RTF2: variants seen among roughly 807,000 people sequenced by gnomAD.
RTF2 encodes UPF0549 protein C20orf43.
Under a neutral mutation model 38.0 loss-of-function variants are expected in RTF2, and 18 were observed. The observed-to-expected ratio is 0.47, with a 90% CI of 0.33 to 0.70. The LOEUF is 0.70. RTF2 is among the 30% of genes least tolerant of loss of function. The probability of loss-of-function intolerance (pLI) is 0.02; values close to 1 mark genes in which losing one functional copy is unlikely to be tolerated. For missense variants in RTF2, 311 were observed against 379.6 expected, an observed-to-expected ratio of 0.82 and a Z score of 1.50; for synonymous variants, 126 against 137.1, an observed-to-expected ratio of 0.92 and a Z score of 0.57.
chr20:56,496,622 C>T (rs755356039), intron 5 of RTF2: 60 of 1,472,616 alleles, frequency 4.1e-5, no homozygotes, highest in East Asian at 1.7e-4. Flanking sequence ...GCATCCATAT[C>T]GGTGGGTCTT....
At chr20:56,483,851 T>A (rs766403781) in intron 4 of RTF2, among the ~76,000 whole-genome samples, 1 of 152,238 alleles carries the variant, frequency 6.6e-6, no homozygotes, top group Non-Finnish European at 1.5e-5. Context: ...TTATATTTAT[T>A]GAAAATATTT....
chr20:56,511,829 G>C (rs1984687907), intron 5 of RTF2, among the ~76,000 whole-genome samples: 1 of 151,962 alleles, frequency 6.6e-6, no homozygotes. Context: ...CTGCACTTGG[G>C]TTAGACCCCT....
intron 5 of RTF2, among the ~76,000 whole-genome samples, chr20:56,510,019 T>A (rs1984542653): frequency 6.6e-6 from 1 of 152,182 alleles, no homozygotes; most frequent in East Asian, 1.9e-4. Context: ...TTGTATGATT[T>A]CATTTATAGA....
At chr20:56,504,718 G>T (rs1216180252) in intron 5 of RTF2, among the ~76,000 whole-genome samples, 1 of 152,158 alleles carries the variant, frequency 6.6e-6, no homozygotes, top group African/African-American at 2.4e-5. Flanking sequence ...TTCTCTGCTT[G>T]CTGGTACTCT....
At chr20:56,506,309 C>T (rs1030097885) in intron 5 of RTF2, among the ~76,000 whole-genome samples, 1 of 152,148 alleles carries the variant, frequency 6.6e-6, no homozygotes, top group African/African-American at 2.4e-5. Flanking sequence ...CTCATTTACT[C>T]TAAGCCATGG....
At chr20:56,497,795 A>G (rs1372126488) in intron 5 of RTF2, 1 of 329,862 alleles carries the variant, frequency 3.0e-6, no homozygotes, top group African/African-American at 2.2e-5. Context: ...CATTTCCCTC[A>G]CTCTTCAAAG....
Position 56,486,716 on chromosome 20 carries a change from T to G in RTF2, c.477+2527T>G, listed in dbSNP as rs183928153. On this transcript the variant is annotated intron_variant, in intron 5 of 8. Coordinates refer to ENST00000357348, the MANE Select transcript of RTF2 (RefSeq NM_016407.5). ...AATTAAGCAGAAACAATGGGTAGAT[T>G]TAAATAAAAATATTAAGATATTGAC... is the stretch of plus-strand genomic sequence containing the variant. Among the ~76,000 whole-genome samples the G allele has an allele frequency of 4.7e-4, 71 of 152,220 alleles. 1 individual carries two copies. Among genetic ancestry groups the G allele is most frequent in the Admixed American group, 3.4e-3 (52 of 15,282 alleles).
chr20:56,478,254 C>T lies in RTF2; in HGVS notation c.398+1130C>T, dbSNP rs909791340. Among the ~76,000 whole-genome samples the T allele has an allele frequency of 7.9e-5, 12 of 152,246 alleles. No homozygotes were observed. The South Asian group carries it at 8.3e-4, about 11-fold the overall frequency. On this transcript the variant is annotated intron_variant, in intron 4 of 8. Coordinates refer to ENST00000357348, the MANE Select transcript of RTF2 (RefSeq NM_016407.5). The stretch of plus-strand genomic sequence containing the variant: ...CTATAATCCCAGCACTTTGGGAGGC[C>T]GAGACAGGAGGATTGCTAGAGGCTA...
rs553591225 is a variant in RTF2 at position 56,479,749 on chromosome 20, T to C, written c.398+2625T>C. ...AGCCATGAAAACAACTTTAATCTTGTACATCTCCATCAGAGCTCTTGCGTG... is the reference window on the plus strand; with the variant it reads ...AGCCATGAAAACAACTTTAATCTTGCACATCTCCATCAGAGCTCTTGCGTG... On this transcript the variant is annotated intron_variant, in intron 4 of 8. Coordinates refer to ENST00000357348, the MANE Select transcript of RTF2 (RefSeq NM_016407.5). Among the ~76,000 whole-genome samples the C allele has an allele frequency of 2.0e-4, 31 of 152,200 alleles. No homozygotes were observed. The South Asian group carries it at 2.3e-3, about 11-fold the overall frequency.
intron 5 of RTF2, among the ~76,000 whole-genome samples, chr20:56,499,287 C>G (rs1983765310): frequency 6.6e-6 from 1 of 150,846 alleles, no homozygotes; most frequent in African/African-American, 2.4e-5. Flanking sequence ...ATCTCCGCCT[C>G]CCGGGTTCAA....
chr20:56,493,484 C>T (rs1983302865), intron 5 of RTF2, among the ~76,000 whole-genome samples: 1 of 151,630 alleles, frequency 6.6e-6, no homozygotes, highest in Non-Finnish European at 1.5e-5. Flanking sequence ...ATAGTGAGAC[C>T]CCATATCTAC....
chr20:56,504,828 T>C (rs954357178), intron 5 of RTF2, among the ~76,000 whole-genome samples: 3 of 152,250 alleles, frequency 2.0e-5, no homozygotes, highest in Admixed American at 1.3e-4. Flanking sequence ...CCTTGACGCC[T>C]AAGCGGGATG....
chr20:56,507,218 G>A (rs1984336982), intron 5 of RTF2, among the ~76,000 whole-genome samples: 1 of 152,170 alleles, frequency 6.6e-6, no homozygotes, highest in Non-Finnish European at 1.5e-5. Context: ...TGGACCAGCT[G>A]TGACTTTGCG....
At chr20:56,494,894 T>C (rs1354223405) in intron 5 of RTF2, among the ~76,000 whole-genome samples, 1 of 152,234 alleles carries the variant, frequency 6.6e-6, no homozygotes, top group Non-Finnish European at 1.5e-5. Context: ...CTCTGTGCAG[T>C]AGTTCCTGCC....
At chr20:56,479,365 A>G (rs1404007722) in intron 4 of RTF2, among the ~76,000 whole-genome samples, 1 of 152,112 alleles carries the variant, frequency 6.6e-6, no homozygotes, top group Non-Finnish European at 1.5e-5. Flanking sequence ...AGCTGGGATT[A>G]CAGGTGCCCG....
intron 5 of RTF2, among the ~76,000 whole-genome samples, chr20:56,502,405 A>G (rs969482006): frequency 1.3e-5 from 2 of 152,146 alleles, no homozygotes; most frequent in African/African-American, 2.4e-5. Flanking sequence ...CCGACTCCCA[A>G]CAAGCCTTCA....
intron 4 of RTF2, among the ~76,000 whole-genome samples, chr20:56,482,839 G>A (rs1982590537): frequency 6.6e-6 from 1 of 152,108 alleles, no homozygotes; most frequent in Non-Finnish European, 1.5e-5. Flanking sequence ...CGCGGTGGAG[G>A]CATTATTCGT....
intron 1 of RTF2, chr20:56,470,749 G>A (rs973032802): frequency 1.4e-5 from 6 of 443,784 alleles, no homozygotes; most frequent in Non-Finnish European, 2.3e-5. Flanking sequence ...TCATGCCTAC[G>A]TGGTGGGGTC....
intron 4 of RTF2, among the ~76,000 whole-genome samples, chr20:56,483,445 C>T (rs920273778): frequency 6.6e-5 from 10 of 152,034 alleles, no homozygotes; most frequent in African/African-American, 2.4e-4. Context: ...ACCTCAGCCT[C>T]CCTAGTAGCT....
Sources: allele counts gnomAD v4.1 joint callset (sites outside exome capture counted in the v4.1 genomes callset), GRCh38; gene constraint gnomAD v4.1.1; transcripts MANE v1.5; gene names NCBI Gene and HGNC (gene_info 2026-07-23, HGNC 2026-07-21).